Variants in PRPSAP1 observed in about 807,000 individuals in gnomAD.
PRPSAP1 encodes phosphoribosyl pyrophosphate synthase-associated protein 1.
A neutral mutation model predicts 39.4 loss-of-function variants in PRPSAP1; 31 were observed. The ratio of observed to expected loss-of-function variants is 0.79; its 90% CI spans 0.59 to 1.06. The LOEUF (loss-of-function observed/expected upper bound fraction) is 1.06. PRPSAP1 is among the 50% of genes least tolerant of loss of function. PRPSAP1 has a pLI of 0.00. For missense variants in PRPSAP1, 430 were observed against 511.6 expected, an observed-to-expected ratio of 0.84 and a Z score of 1.54; for synonymous variants, 212 against 192.6, an observed-to-expected ratio of 1.10 and a Z score of -0.83.
chr17:76,354,097 T>C (rs1014479828), upstream of PRPSAP1: 14 of 1,027,378 alleles, frequency 1.4e-5, no homozygotes, highest in African/African-American at 1.7e-4. Context: ...GGTCTCACTT[T>C]CTTGGGAGGA....
chr17:76,320,171 G>A (rs1377152950), intron 7 of PRPSAP1, among the ~76,000 whole-genome samples: 5 of 151,988 alleles, frequency 3.3e-5, no homozygotes, highest in South Asian at 4.2e-4. Flanking sequence ...TTGAGAGAAC[G>A]AGCCACGAGA....
rs577326662 is a variant in PRPSAP1 at position 76,348,895 on chromosome 17, AAC to A, written c.171-316_171-315del. On this transcript the variant is annotated intron_variant, in intron 1 of 9. Coordinates refer to ENST00000446526, the MANE Select transcript of PRPSAP1 (RefSeq NM_002766.3). ...CTTGGTTACAAGCAATGATTTCAAT[AAC>A]ACACACCAGAGATAAATGCCTCAAT... is the stretch of plus-strand genomic sequence containing the variant. 1.8e-4 allele frequency among the ~76,000 whole-genome samples: 27 copies of A among 152,324 alleles called. No homozygotes were observed. The South Asian group carries it at 5.4e-3, about 30-fold the overall frequency.
intron 3 of PRPSAP1, among the ~76,000 whole-genome samples, chr17:76,341,234 GTTTTTT>G (rs5822126): frequency 5.8e-5 from 7 of 119,968 alleles, no homozygotes; most frequent in African/African-American, 6.1e-5. Context: ...ACTTTTTTTT[GTTTTTT>G]TTTTTTTTTT....
intron 7 of PRPSAP1, among the ~76,000 whole-genome samples, chr17:76,321,189 G>C (rs2071194091): frequency 6.6e-6 from 1 of 151,966 alleles, no homozygotes; most frequent in African/African-American, 2.4e-5. Context: ...GTCTTTTCTG[G>C]TATCTGTAAT....
Position 76,351,047 on chromosome 17 carries a change from AAAC to A in PRPSAP1, c.171-2469_171-2467del, listed in dbSNP as rs1385379759. 2.6e-5 allele frequency among the ~76,000 whole-genome samples: 4 copies of A among 152,132 alleles called. 1 individual carries two copies. The highest frequency in any genetic ancestry group is 2.6e-4 in the Admixed American group (4 of 15,262). Reference sequence around the variant, plus strand: ...AACTTCGTCTCAAAAACAAACAAACAAACAAAAAACGGTTAAAAAGGTAAACTT... The same window carrying A: ...AACTTCGTCTCAAAAACAAACAAACAAAAAAACGGTTAAAAAGGTAAACTT... On this transcript the variant is annotated intron_variant, in intron 1 of 9. Transcript: ENST00000446526.
At chr17:76,312,808 AT>A in intron 9 of PRPSAP1, 61 bp downstream of exon 9, 1 of 1,556,408 alleles carries the variant, frequency 6.4e-7, no homozygotes. Flanking sequence ...TGACTGAATC[AT>A]TTTATTATTC....
chr17:76,332,091 A>G (rs747799338), intron 4 of PRPSAP1, among the ~76,000 whole-genome samples, 172 bp downstream of exon 4: 4 of 152,212 alleles, frequency 2.6e-5, no homozygotes, highest in Non-Finnish European at 5.9e-5. Context: ...GACAAAGCGA[A>G]TAAGGGAAAA....
upstream of PRPSAP1, chr17:76,354,194 G>A: frequency 4.3e-5 from 42 of 986,476 alleles, no homozygotes; most frequent in Non-Finnish European, 5.1e-5. Flanking sequence ...ATACGATCTA[G>A]CTCTGCATGT....
intron 3 of PRPSAP1, 117 bp from the exon 4 acceptor site, chr17:76,332,552 T>G: frequency 8.5e-7 from 1 of 1,170,994 alleles, no homozygotes; most frequent in Admixed American, 2.3e-5. Flanking sequence ...AATTTTACCA[T>G]CACACTAGCT....
At chr17:76,337,156 C>A (rs561451404) in intron 3 of PRPSAP1, among the ~76,000 whole-genome samples, 88 of 152,248 alleles carry the variant, frequency 5.8e-4, no homozygotes, top group African/African-American at 2.0e-3. Flanking sequence ...TGGGCTCAGG[C>A]AATCCTCCCG....
intron 5 of PRPSAP1, 52 bp from the exon 6 acceptor site, chr17:76,330,150 C>T: frequency 6.7e-7 from 1 of 1,490,294 alleles, no homozygotes; most frequent in Non-Finnish European, 9.3e-7. Context: ...GAAAATAACA[C>T]CTGGATGCTG....
chr17:76,316,154 C>A, intron 7 of PRPSAP1, among the ~76,000 whole-genome samples: 1 of 127,706 alleles, frequency 7.8e-6, no homozygotes. Context: ...CCAGCCTGGG[C>A]AACAGAGTGA....
intron 7 of PRPSAP1, chr17:76,314,231 T>TGTATGTATGTATGTATGTATGTA: frequency 7.4e-6 from 2 of 271,708 alleles, no homozygotes; most frequent in Admixed American, 4.8e-5. Context: ...TATGTATGTA[T>TGTATGTATGTATGTATGTATGTA]TTTTTGAGAC....
chr17:76,317,651 A>T (rs2071139167), intron 7 of PRPSAP1, among the ~76,000 whole-genome samples: 1 of 152,254 alleles, frequency 6.6e-6, no homozygotes, highest in Non-Finnish European at 1.5e-5. Flanking sequence ...TAACATGCTC[A>T]AGAGGTGCCA....
chr17:76,334,633 CAA>C (rs1235661473), intron 3 of PRPSAP1, among the ~76,000 whole-genome samples: 1 of 77,490 alleles, frequency 1.3e-5, no homozygotes, highest in Non-Finnish European at 2.4e-5. Context: ...TTAAAAAAAA[CAA>C]AAACAAAAAC....
At chr17:76,317,883 T>A (rs188261463) in intron 7 of PRPSAP1, among the ~76,000 whole-genome samples, 2 of 152,342 alleles carry the variant, frequency 1.3e-5, no homozygotes, top group East Asian at 3.9e-4. Context: ...AGTCTACCTA[T>A]AAGATGGAAA....
rs1016074378 is a variant in PRPSAP1 at position 76,328,574 on chromosome 17, A to T, written c.781+143T>A. ...CAGTCAGCCAAGATCACGCCACTGC[A>T]CTCTAGCCTGGGTGACAGAGTGAGA... On this transcript the variant is annotated intron_variant, in intron 7 of 9. Coordinates refer to ENST00000446526, the MANE Select transcript of PRPSAP1 (RefSeq NM_002766.3). 3.7e-6 allele frequency: 4 copies of T among 1,080,064 alleles called. No homozygotes were observed. In the African/African-American group the frequency reaches 6.4e-5, roughly 17 times the overall value. 66.9% of individuals were successfully genotyped at this position (1,080,064 alleles called of 1,614,324 possible).
intron 2 of PRPSAP1, among the ~76,000 whole-genome samples, chr17:76,348,323 A>G (rs1334456045): frequency 2.0e-5 from 3 of 151,580 alleles, no homozygotes; most frequent in Admixed American, 6.7e-5. Context: ...AAATACAAAA[A>G]TTAGCCGGGT....
chr17:76,335,878 T>A (rs1022903760), intron 3 of PRPSAP1, among the ~76,000 whole-genome samples: 1 of 151,718 alleles, frequency 6.6e-6, no homozygotes, highest in African/African-American at 2.4e-5. Flanking sequence ...CCTGTAGTCC[T>A]AGCTATTCGG....
Sources: allele counts gnomAD v4.1 joint callset (sites outside exome capture counted in the v4.1 genomes callset), GRCh38; gene constraint gnomAD v4.1.1; transcripts MANE v1.5; gene names NCBI Gene and HGNC (gene_info 2026-07-23, HGNC 2026-07-21).